The following ABCB5 variants were observed in gnomAD, a reference collection of about 807,000 sequenced individuals.
ABCB5 encodes the protein ATP-binding cassette sub-family B member 5.
Under a neutral mutation model 144.2 loss-of-function variants are expected in ABCB5, and 155 were observed. The observed-to-expected ratio is 1.08, with a 90% confidence interval of 0.94 to 1.23. The LOEUF (loss-of-function observed/expected upper bound fraction) is 1.23. Among genes scored for constraint, ABCB5 ranks in the 50% most tolerant of loss-of-function variants. The pLI, the probability that ABCB5 is intolerant of heterozygous loss-of-function variation, is 0.00. For missense variants in ABCB5, 1,830 were observed against 1,520.8 expected, an observed-to-expected ratio of 1.20 and a Z score of -3.38; for synonymous variants, 610 against 528.6, an observed-to-expected ratio of 1.15 and a Z score of -2.11.
chr7:20,700,234 C>A lies in ABCB5; in HGVS notation c.2337+99C>A. Reference sequence around the variant, plus strand: ...CAAGTCAATTTTTGACATAATCTTTCTTTGAAAGCACACTCTTTTTGTTCT... The same window carrying A: ...CAAGTCAATTTTTGACATAATCTTTATTTGAAAGCACACTCTTTTTGTTCT... On this transcript the variant is annotated intron_variant, in intron 19 of 27. Transcript: ENST00000404938. 4 of 1,048,464 alleles carry A rather than the reference C, an allele frequency of 3.8e-6. No homozygotes were observed. The South Asian group carries it at 7.4e-5, about 19-fold the overall frequency. 64.9% of individuals were successfully genotyped at this position (1,048,464 alleles called of 1,614,324 possible).
chr7:20,669,731 A>T, intron 14 of ABCB5, among the ~76,000 whole-genome samples: 1 of 109,978 alleles, frequency 9.1e-6, no homozygotes, highest in African/African-American at 3.6e-5. Flanking sequence ...AATAAAAAAA[A>T]AAAAAAAAAA....
intron 4 of ABCB5, 130 bp from the exon 5 acceptor site, chr7:20,631,929 A>C (rs796285626): frequency 4.3e-6 from 2 of 466,966 alleles, no homozygotes; most frequent in African/African-American, 4.0e-5. Context: ...TGAGATGATA[A>C]TAAACTGCGT....
At chr7:20,682,140 G>C (rs1785852006) in intron 15 of ABCB5, among the ~76,000 whole-genome samples, 1 of 152,076 alleles carries the variant, frequency 6.6e-6, no homozygotes, top group Non-Finnish European at 1.5e-5. Flanking sequence ...GGGAGTCGGA[G>C]GTTGCAGTGA....
intron 23 of ABCB5, 113 bp from the exon 24 acceptor site, chr7:20,738,870 C>T (rs1034268971): frequency 4.4e-5 from 53 of 1,193,706 alleles, no homozygotes; most frequent in African/African-American, 3.8e-4. Context: ...TTAGGGGTGC[C>T]GTCTACATCA....
At chr7:20,708,678 C>G (rs1481196078) in intron 20 of ABCB5, among the ~76,000 whole-genome samples, 1 of 152,140 alleles carries the variant, frequency 6.6e-6, no homozygotes, top group Admixed American at 6.5e-5. Context: ...ACCATTTACA[C>G]TACTGGTCCA....
chr7:20,668,592 G>A (rs1785312738), intron 14 of ABCB5, among the ~76,000 whole-genome samples: 1 of 141,248 alleles, frequency 7.1e-6, no homozygotes, highest in Non-Finnish European at 1.5e-5. Flanking sequence ...GAGGGAGGTG[G>A]GGGGGGGGGT....
rs149204951 is a variant in ABCB5 at position 20,675,044 on chromosome 7, T to C, written c.1708-6461T>C. Reference sequence around the variant, plus strand: ...ATCCCGTGATCCTGAACTGGAAGACTTGATATTGTTAAATGTCAATACTAC... The same window carrying C: ...ATCCCGTGATCCTGAACTGGAAGACCTGATATTGTTAAATGTCAATACTAC... On this transcript the variant is annotated intron_variant, in intron 14 of 27. Transcript: ENST00000404938. Among the ~76,000 whole-genome samples the C allele has an allele frequency of 9.7e-4, 147 of 152,098 alleles. 2 individuals are homozygous for C. In the East Asian group the frequency reaches 0.022, roughly 23 times the overall value.
At chr7:20,638,770 A>T (rs1277370112) in intron 5 of ABCB5, among the ~76,000 whole-genome samples, 1 of 152,110 alleles carries the variant, frequency 6.6e-6, no homozygotes, top group East Asian at 1.9e-4. Flanking sequence ...GCTGATGGAC[A>T]GTTGGATTGT....
chr7:20,699,662 G>C (rs914410116), intron 17 of ABCB5, among the ~76,000 whole-genome samples, 163 bp from the exon 18 acceptor site: 2 of 151,488 alleles, frequency 1.3e-5, no homozygotes, highest in Non-Finnish European at 2.9e-5. Flanking sequence ...GACTGAGATC[G>C]CAACACTGCA....
intron 9 of ABCB5, among the ~76,000 whole-genome samples, chr7:20,646,992 A>G (rs1336482573): frequency 6.6e-6 from 1 of 152,216 alleles, no homozygotes; most frequent in Non-Finnish European, 1.5e-5. Context: ...TAGGAGTAAG[A>G]GCTCCTAGCT....
At position 20,723,036 on chromosome 7, in the gene ABCB5, C is replaced by T. The variant is rs149878486; in HGVS notation, c.2442C>T (p.Gly814=). The part of the protein sequence containing the change: ...QIQGATGSRI[G]VLTQNATNMG... ...TATAGGCAACAGGTTCCAGGATTGG[C>T]GTCTTAACACAAAATGCAACTAACA... Residue 814 remains glycine, a synonymous_variant, in exon 21 of 28, where the codon GGC becomes GGT. Coordinates refer to ENST00000404938, the MANE Select transcript of ABCB5 (RefSeq NM_001163941.2). 1.1e-4 allele frequency: 179 copies of T among 1,613,990 alleles called. No homozygotes were observed. The highest frequency in any genetic ancestry group is 1.4e-4 in the Non-Finnish European group (165 of 1,179,984).
intron 1 of ABCB5, among the ~76,000 whole-genome samples, chr7:20,617,519 G>C (rs1217811808): frequency 6.6e-6 from 1 of 152,124 alleles, no homozygotes; most frequent in Non-Finnish European, 1.5e-5. Flanking sequence ...ATTTCCTCTA[G>C]ATAAGTAGTG....
chr7:20,620,030 G>T (rs1177493210), intron 1 of ABCB5, among the ~76,000 whole-genome samples: 4 of 152,082 alleles, frequency 2.6e-5, no homozygotes, highest in Non-Finnish European at 5.9e-5. Context: ...ATTGATCTGT[G>T]TGTCTCTTTT....
intron 14 of ABCB5, among the ~76,000 whole-genome samples, chr7:20,671,269 A>T (rs1286773126): frequency 6.6e-6 from 1 of 152,240 alleles, no homozygotes; most frequent in East Asian, 1.9e-4. Flanking sequence ...TAGAATGACC[A>T]ACTGGGCTGC....
intron 26 of ABCB5, among the ~76,000 whole-genome samples, chr7:20,749,224 CTCTCTTTCTTTCTTT>C (rs1374846624): frequency 7.7e-6 from 1 of 130,678 alleles, no homozygotes; most frequent in Non-Finnish European, 1.6e-5. Context: ...CTCCCCCTCT[CTCTCTTTCTTTCTTT>C]TCTTTCTTCA....
intron 5 of ABCB5, among the ~76,000 whole-genome samples, chr7:20,633,608 C>T (rs73276587): frequency 0.017 from 2,662 of 152,128 alleles, 86 homozygotes; most frequent in African/African-American, 0.061. Flanking sequence ...GTCGTTTCTT[C>T]GTATTGGGAA....
chr7:20,747,536 G>A lies in ABCB5; in HGVS notation c.3429+2098G>A, dbSNP rs182580819. On this transcript the variant is annotated intron_variant, in intron 26 of 27. Coordinates refer to ENST00000404938, the MANE Select transcript of ABCB5 (RefSeq NM_001163941.2). ...GGTCTCCCAAAGTTCTGGAATTACA[G>A]GCATAAGCCACCACATCTGGCCTAA... Among the ~76,000 whole-genome samples, 334 of 152,270 alleles carry A rather than the reference G, an allele frequency of 2.2e-3. 2 individuals carry two copies. Among genetic ancestry groups the A allele is most frequent in the African/African-American group, 7.4e-3 (307 of 41,548 alleles).
intron 21 of ABCB5, among the ~76,000 whole-genome samples, chr7:20,723,850 G>C (rs1203217383): frequency 2.0e-5 from 3 of 152,180 alleles, no homozygotes; most frequent in Non-Finnish European, 4.4e-5. Flanking sequence ...AGGCTTTAGA[G>C]ACAGGACCAT....
At chr7:20,672,986 G>C (rs1388799387) in intron 14 of ABCB5, among the ~76,000 whole-genome samples, 1 of 151,814 alleles carries the variant, frequency 6.6e-6, no homozygotes, top group African/African-American at 2.4e-5. Context: ...TTTCTTTTGA[G>C]TTTAACTTGC....
Sources: gnomAD v4.1 joint callset for allele counts (sites outside exome capture counted in the v4.1 genomes callset) on GRCh38, gnomAD v4.1.1 for gene constraint, MANE v1.5 for transcripts, NCBI Gene and HGNC (gene_info 2026-07-23, HGNC 2026-07-21) for gene names.